The following HADH variants were observed in gnomAD, a reference collection of about 807,000 sequenced individuals.
The protein encoded by HADH is hydroxyacyl-coenzyme A dehydrogenase, mitochondrial.
In HADH, 24 loss-of-function variants were observed where a neutral mutation model predicts 32.2. That is an observed-to-expected ratio of 0.75 (90% CI 0.54 to 1.05). The LOEUF is 1.05. Among genes scored for constraint, HADH ranks in the 50% least tolerant of loss-of-function variants. The probability of loss-of-function intolerance (pLI) is 0.00; values close to 1 mark genes in which losing one functional copy is unlikely to be tolerated. For synonymous variants in HADH, 139 were observed against 152.5 expected (o/e 0.91, Z 0.65); for missense variants, 350 against 397.1 (o/e 0.88, Z 1.01).
chr4:108,034,120 G>A (rs1032589384), intron 7 of HADH, 119 bp from the exon 8 acceptor site: 11 of 782,866 alleles, frequency 1.4e-5, no homozygotes, highest in South Asian at 1.1e-4. Flanking sequence ...CCGGAGGGGC[G>A]CCATGCCTGG....
intron 6 of HADH, chr4:108,030,113 C>T (rs1240303180): frequency 1.3e-5 from 2 of 152,312 alleles, no homozygotes; most frequent in African/African-American, 2.4e-5. Context: ...CTCACATTGT[C>T]GCCCCTGCTC....
At chr4:108,018,299 A>C (rs1052045116) in intron 3 of HADH, among the ~76,000 whole-genome samples, 2 of 152,166 alleles carry the variant, frequency 1.3e-5, no homozygotes, top group African/African-American at 4.8e-5. Flanking sequence ...TGTTGGCCAC[A>C]CACATTGTTA....
At chr4:108,014,134 A>G (rs1399793468) in intron 2 of HADH, among the ~76,000 whole-genome samples, 6 of 152,202 alleles carry the variant, frequency 3.9e-5, no homozygotes, top group Admixed American at 1.3e-4. Flanking sequence ...ATGACAGACA[A>G]TAATTATTTG....
chr4:108,005,133 T>C, intron 1 of HADH: 1 of 356,360 alleles, frequency 2.8e-6, no homozygotes, highest in Non-Finnish European at 5.1e-6. Flanking sequence ...ACCAAAAAGA[T>C]TAAATCAAGC....
rs146732064 is a variant in HADH at position 108,014,518 on chromosome 4, G to C, written c.349G>C (p.Val117Leu). The change falls in exon 3 of 8, where the codon GTG (valine) becomes CTG (leucine). Residue 117 changes from valine (V) to leucine (L), a missense_variant. By Grantham distance (32) the Val-to-Leu change is conservative. Transcript: ENST00000309522. ...ASVVHSTDLV[V>L]EAIVENLKVK... ...CGTTGTCCACAGCACAGACTTGGTG[G>C]TGGAAGCCATCGTGGAGAATCTGAA... The C allele has an allele frequency of 3.9e-4, 630 of 1,614,002 alleles. 2 individuals are homozygous for C. Among genetic ancestry groups the C allele is most frequent in the Non-Finnish European group, 5.0e-4 (595 of 1,179,988 alleles).
intron 4 of HADH, among the ~76,000 whole-genome samples, chr4:108,021,679 C>G (rs1374447142): frequency 1.3e-5 from 2 of 152,136 alleles, no homozygotes; most frequent in African/African-American, 4.8e-5. Context: ...CTCCCTTAAA[C>G]CAAAAACTTA....
chr4:108,033,226 T>C lies in HADH; in HGVS notation c.760T>C (p.Tyr254His). ...IDTAMKLGAGYPMGPFELLDY... is the reference protein window; with the variant it reads ...IDTAMKLGAGHPMGPFELLDY... ...CACTGCTATGAAATTAGGAGCCGGT[T>C]ACCCCATGGGCCCATTTGAGCTTCT... Residue 254 changes from tyrosine (Y) to histidine (H), a missense_variant, in exon 7 of 8, where the codon TAC becomes CAC. Tyr to His is a moderately conservative substitution (Grantham distance 83). Coordinates refer to ENST00000309522, the MANE Select transcript of HADH (RefSeq NM_005327.7). 1 of 1,611,386 alleles carries C rather than the reference T, an allele frequency of 6.2e-7. No homozygotes were observed. Among genetic ancestry groups the C allele is most frequent in the Non-Finnish European group, 8.5e-7 (1 of 1,177,474 alleles).
At chr4:108,010,619 G>A (rs1161639950) in intron 2 of HADH, among the ~76,000 whole-genome samples, 2 of 152,156 alleles carry the variant, frequency 1.3e-5, no homozygotes, top group African/African-American at 2.4e-5. Flanking sequence ...CTCACTTCAA[G>A]TATCCAAGGT....
intron 3 of HADH, among the ~76,000 whole-genome samples, chr4:108,016,409 A>G (rs903478857): frequency 5.3e-5 from 8 of 152,170 alleles, no homozygotes; most frequent in African/African-American, 7.2e-5. Context: ...CCTTTCTGTC[A>G]TCTGTCCATC....
intron 3 of HADH, among the ~76,000 whole-genome samples, chr4:108,017,793 C>T (rs1735745276): frequency 6.6e-6 from 1 of 152,184 alleles, no homozygotes; most frequent in Non-Finnish European, 1.5e-5. Context: ...AAGTGATCCA[C>T]CTGCCTCGGC....
At chr4:108,017,922 T>C (rs2033525351) in intron 3 of HADH, among the ~76,000 whole-genome samples, 1 of 152,092 alleles carries the variant, frequency 6.6e-6, no homozygotes, top group African/African-American at 2.4e-5. Flanking sequence ...TGTGAGACTT[T>C]TAGGAACAAA....
At chr4:108,033,666 C>T (rs1006701409) in intron 7 of HADH, among the ~76,000 whole-genome samples, 1 of 152,144 alleles carries the variant, frequency 6.6e-6, no homozygotes, top group African/African-American at 2.4e-5. Context: ...ATTTGTGTAA[C>T]CTCCATTGCA....
At chr4:108,011,194 A>G (rs1441400716) in intron 2 of HADH, among the ~76,000 whole-genome samples, 1 of 152,224 alleles carries the variant, frequency 6.6e-6, no homozygotes, top group Non-Finnish European at 1.5e-5. Context: ...TTATTATCAT[A>G]TTCCAATTTA....
rs2126237060 is a variant in HADH, at chr4:108,027,792, A to G, written c.709+32A>G. 1.1e-5 allele frequency: 14 copies of G among 1,279,744 alleles called. No individual in the cohort carries two copies. Among genetic ancestry groups the G allele is most frequent in the Non-Finnish European group, 1.5e-5 (13 of 874,772 alleles). The allele number at this position is 1,279,744 out of a possible 1,614,324, so 79.3% of individuals were successfully genotyped here. On this transcript the variant is annotated intron_variant, in intron 6 of 7. Coordinates refer to ENST00000309522, the MANE Select transcript of HADH (RefSeq NM_005327.7). The stretch of plus-strand genomic sequence containing the variant: ...TTCTGACCCAGGCCAGGAGCAGCAG[A>G]CCTCAGCTCCTGGCGCCACTGTCTG...
chr4:108,009,983 T>C (rs1735432683), intron 2 of HADH, 96 bp downstream of exon 2: 1 of 903,772 alleles, frequency 1.1e-6, no homozygotes, highest in Non-Finnish European at 1.8e-6. Context: ...CTTTCTTTTT[T>C]TTTTTTTTTT....
intron 2 of HADH, among the ~76,000 whole-genome samples, chr4:108,012,497 T>C (rs994179116): frequency 6.6e-6 from 1 of 152,234 alleles, no homozygotes; most frequent in Non-Finnish European, 1.5e-5. Flanking sequence ...ATCTTACTGC[T>C]GTGTCCGGTT....
chr4:108,022,185 GTGTA>G (rs1560735213), intron 4 of HADH, among the ~76,000 whole-genome samples: 1 of 148,192 alleles, frequency 6.7e-6, no homozygotes, highest in Non-Finnish European at 1.5e-5. Context: ...GTGTGTGTGT[GTGTA>G]TGTGTGTGTG....
intron 4 of HADH, among the ~76,000 whole-genome samples, chr4:108,021,963 A>AT (rs1553943690): frequency 6.6e-6 from 1 of 152,102 alleles, no homozygotes; most frequent in Non-Finnish European, 1.5e-5. Flanking sequence ...TTCTTTGTTT[A>AT]TATAGCACCT....
At chr4:107,998,941 C>T (rs1578244217) in intron 1 of HADH, among the ~76,000 whole-genome samples, 1 of 152,184 alleles carries the variant, frequency 6.6e-6, no homozygotes, top group East Asian at 1.9e-4. Context: ...TTGAGAGCCG[C>T]CACACTGAAT....
Sources: gnomAD v4.1 joint callset for allele counts (sites outside exome capture counted in the v4.1 genomes callset) on GRCh38, gnomAD v4.1.1 for gene constraint, MANE v1.5 for transcripts, NCBI Gene and HGNC (gene_info 2026-07-23, HGNC 2026-07-21) for gene names.